The following DNAH5 variants were observed in gnomAD, a reference collection of about 807,000 sequenced individuals.
DNAH5 encodes the protein axonemal beta dynein heavy chain 5.
Under a neutral mutation model 518.2 loss-of-function variants are expected in DNAH5, and 372 were observed. That is an observed-to-expected ratio of 0.72 (90% CI 0.66 to 0.78). The LOEUF is 0.78. Among genes scored for constraint, DNAH5 ranks in the 30% least tolerant of loss-of-function variants. DNAH5 has a pLI of 0.00. For synonymous variants in DNAH5, 2,039 were observed against 2,025.9 expected, an observed-to-expected ratio of 1.01 and a Z score of -0.17; for missense variants, 5,523 against 5,687.0, an observed-to-expected ratio of 0.97 and a Z score of 0.93.
chr5:13,779,383 A>C lies in DNAH5; in HGVS notation c.8951+1446T>G, dbSNP rs138397607. ...CACAAAGTGTAACAACAGCTTAAAT[A>C]TTTGAATCTCCAAACCCAATGCTTA... On this transcript the variant is annotated intron_variant, in intron 53 of 78. Coordinates refer to ENST00000265104, the MANE Select transcript of DNAH5 (RefSeq NM_001369.3). Among the ~76,000 whole-genome samples the C allele has an allele frequency of 2.0e-3, 306 of 152,326 alleles. 1 individual carries two copies. The highest frequency in any genetic ancestry group is 7.2e-3 in the African/African-American group (301 of 41,580).
At chr5:13,961,315 A>G (rs982506992) in intron 1 of DNAH5, among the ~76,000 whole-genome samples, 5 of 152,230 alleles carry the variant, frequency 3.3e-5, no homozygotes, top group Non-Finnish European at 1.5e-5. Context: ...GAGTGTTCCT[A>G]TTCCCATTTT....
chr5:13,767,841 T>C (rs755915107), intron 58 of DNAH5, among the ~76,000 whole-genome samples: 1 of 152,162 alleles, frequency 6.6e-6, no homozygotes, highest in African/African-American at 2.4e-5. Flanking sequence ...CATCTGGAGG[T>C]ATTTTTTATT....
At position 13,840,940 on chromosome 5, in the gene DNAH5, A is replaced by G. The variant is rs752248766; in HGVS notation, c.5675T>C (p.Ile1892Thr). Residue 1892 changes from isoleucine to threonine, a missense_variant, in exon 34 of 79, where the codon ATT becomes ACT. Around this residue, in one of 3 missense-constraint regions of DNAH5, gnomAD observed 5,121 missense variants for 5,223.3 expected, o/e 0.98. Coordinates refer to ENST00000265104, the MANE Select transcript of DNAH5 (RefSeq NM_001369.3). ...ERVKYETLIT[I>T]HVHQRDIFDD... ...AAAGATATCCCTTTGGTGCACATGAATAGTAATCAGAGTCTCGTATTTCAC... is the reference window on the plus strand; with the variant it reads ...AAAGATATCCCTTTGGTGCACATGAGTAGTAATCAGAGTCTCGTATTTCAC... 1 of 1,614,166 alleles carries G rather than the reference A, an allele frequency of 6.2e-7. No homozygotes were observed. Among genetic ancestry groups the G allele is most frequent in the Admixed American group, 1.7e-5 (1 of 60,028 alleles).
chr5:13,691,997 C>T lies in DNAH5; in HGVS notation c.13862G>A (p.Cys4621Tyr), dbSNP rs1554012799. Residue 4621 changes from cysteine to tyrosine, a missense_variant, in exon 79 of 79, where the codon TGT (cysteine) becomes TAT (tyrosine). Physicochemically the swap from Cys to Tyr is radical, Grantham distance 194. Coordinates refer to ENST00000265104, the MANE Select transcript of DNAH5 (RefSeq NM_001369.3). ...ACTCCCCACATGTTACTTGACATCA[C>T]ACAGAAGGGCAACCCCACGGAGCAC... ...HWVLRGVALL[C>Y]DVK 1 of 1,614,094 alleles carries T rather than the reference C, an allele frequency of 6.2e-7. No individual in the cohort carries two copies. The highest frequency in any genetic ancestry group is 2.2e-5 in the East Asian group (1 of 44,870).
At position 13,867,818 on chromosome 5, in the gene DNAH5, C is replaced by G. The variant is rs762884570; in HGVS notation, c.4009G>C (p.Val1337Leu). ...FKKELISAVEVFLQDCHQFYL... is the reference protein window; with the variant it reads ...FKKELISAVELFLQDCHQFYL... Reference sequence around the variant, plus strand: ...AACTGGTGACAATCTTGGAGGAATACCTCCACAGCACTAATAAGCTCTTTC... The same window carrying G: ...AACTGGTGACAATCTTGGAGGAATAGCTCCACAGCACTAATAAGCTCTTTC... The change falls in exon 25 of 79, where the codon GTA becomes CTA. Residue 1337 changes from valine to leucine, a missense_variant. This residue lies in a region of DNAH5 where 5,121 missense variants were observed against 5,223.3 expected (regional missense o/e 0.98). Coordinates refer to ENST00000265104, the MANE Select transcript of DNAH5 (RefSeq NM_001369.3). 6.2e-7 allele frequency: 1 copy of G among 1,613,966 alleles called. No individual in the cohort carries two copies. Among genetic ancestry groups the G allele is most frequent in the Non-Finnish European group, 8.5e-7 (1 of 1,179,940 alleles).
At chr5:13,800,786 T>A (rs750149228) in intron 47 of DNAH5, among the ~76,000 whole-genome samples, 5 of 152,122 alleles carry the variant, frequency 3.3e-5, no homozygotes, top group Admixed American at 1.3e-4. Context: ...TTCCTTCCAA[T>A]CTCTTTGATT....
chr5:13,718,773 G>C (rs1744643706), intron 72 of DNAH5, 109 bp downstream of exon 72: 3 of 901,674 alleles, frequency 3.3e-6, no homozygotes, highest in Non-Finnish European at 5.4e-6. Context: ...AGGTTAAACA[G>C]TAGTACTATT....
chr5:13,731,509 G>T (rs1383396255), intron 68 of DNAH5, among the ~76,000 whole-genome samples: 6 of 152,208 alleles, frequency 3.9e-5, no homozygotes, highest in East Asian at 1.9e-4. Context: ...AATAGTGATT[G>T]TAACTTGGGG....
At chr5:13,990,555 A>G (rs370020224) in intron 1 of DNAH5, among the ~76,000 whole-genome samples, 3 of 150,976 alleles carry the variant, frequency 2.0e-5, no homozygotes, top group South Asian at 4.2e-4. Context: ...TCCATCTCAA[A>G]AAACAAAATG....
intron 75 of DNAH5, 133 bp from the exon 76 acceptor site, chr5:13,708,468 GGC>G: frequency 1.3e-6 from 1 of 789,370 alleles, no homozygotes; most frequent in Admixed American, 2.9e-5. Flanking sequence ...TTTATTGCAT[GGC>G]AAAAAGAAAA....
intron 1 of DNAH5, among the ~76,000 whole-genome samples, chr5:13,966,873 T>C (rs1309759673): frequency 6.6e-6 from 1 of 152,234 alleles, no homozygotes; most frequent in African/African-American, 2.4e-5. Flanking sequence ...TTTTTGCTTT[T>C]TGTTTTTTGA....
chr5:13,930,274 T>A (rs114502154), intron 2 of DNAH5, among the ~76,000 whole-genome samples: 1 of 152,232 alleles, frequency 6.6e-6, no homozygotes, highest in Non-Finnish European at 1.5e-5. Context: ...AACTCAACAT[T>A]TCGTTAACAT....
intron 1 of DNAH5, among the ~76,000 whole-genome samples, chr5:13,991,865 A>G (rs1783583881): frequency 6.6e-6 from 1 of 152,222 alleles, no homozygotes; most frequent in African/African-American, 2.4e-5. Flanking sequence ...TCTGCGAAAG[A>G]GATAAATGTG....
chr5:13,728,500 C>T lies in DNAH5; in HGVS notation c.11884-844G>A, dbSNP rs572432638. Among the ~76,000 whole-genome samples, 131 of 152,220 alleles carry T rather than the reference C, an allele frequency of 8.6e-4. 1 individual carries two copies. Among genetic ancestry groups the T allele is most frequent in the African/African-American group, 2.9e-3 (120 of 41,532 alleles). ...AAGACTACTTAATATTGAGGGGTTTCGTGCATAAGATATCATCTCCAGAAG... is the reference window on the plus strand; with the variant it reads ...AAGACTACTTAATATTGAGGGGTTTTGTGCATAAGATATCATCTCCAGAAG... On this transcript the variant is annotated intron_variant, in intron 69 of 78. Transcript: ENST00000265104.
rs1204943325 is a variant in DNAH5, at chr5:13,810,083, A to T, written c.7585T>A (p.Phe2529Ile). 6.4e-7 allele frequency: 1 copy of T among 1,552,922 alleles called. No homozygotes were observed. The highest frequency in any genetic ancestry group is 8.7e-7 in the Non-Finnish European group (1 of 1,148,590). Residue 2529 changes from phenylalanine (F) to isoleucine (I), a missense_variant, in exon 45 of 79, where the codon TTC becomes ATC. Physicochemically the swap from Phe to Ile is conservative, Grantham distance 21 (BLOSUM62 0). Coordinates refer to ENST00000265104, the MANE Select transcript of DNAH5 (RefSeq NM_001369.3). ...PPPAGPGDTA[F>I]DYYVAPDGTW... ...CCATCGGGCGCCACATAGTAGTCGA[A>T]GGCGGTGTCCCCGGGCCCCGCTGGC... is the stretch of plus-strand genomic sequence containing the variant.
At chr5:13,711,779 G>A (rs889360104) in intron 75 of DNAH5, among the ~76,000 whole-genome samples, 4 of 152,000 alleles carry the variant, frequency 2.6e-5, no homozygotes, top group Admixed American at 2.6e-4. Flanking sequence ...TACAATAGCT[G>A]CAAAAAAATA....
At chr5:13,877,347 G>A (rs1371399702) in intron 21 of DNAH5, among the ~76,000 whole-genome samples, 4 of 152,172 alleles carry the variant, frequency 2.6e-5, no homozygotes, top group Non-Finnish European at 5.9e-5. Context: ...TATCCTCATG[G>A]CATTTGTCAA....
In DNAH5 at chr5:13,885,008, A is replaced by T; in HGVS notation, c.2964T>A (p.Ser988=). The T allele has an allele frequency of 6.2e-7, 1 of 1,614,208 alleles. No individual in the cohort carries two copies. Among genetic ancestry groups the T allele is most frequent in the Non-Finnish European group, 8.5e-7 (1 of 1,180,016 alleles). Residue 988 remains serine, a synonymous_variant, in exon 19 of 79, where the codon TCT becomes TCA. Transcript: ENST00000265104. ...LEAIRKRIHS[S]HTINFRDSNS... The stretch of plus-strand genomic sequence containing the variant: ...TATTACCCCGGAAGTTAATTGTGTG[A>T]GAGGAATGAATACGTTTGCGAATGG...
At position 13,913,593 on chromosome 5, in the gene DNAH5, C is replaced by A; in HGVS notation, c.1536+150G>T. 21 of 958,326 alleles carry A rather than the reference C, an allele frequency of 2.2e-5. No individual in the cohort carries two copies. In the South Asian group the frequency reaches 3.7e-4, roughly 17 times the overall value. The allele number at this position is 958,326 out of a possible 1,614,324, so 59.4% of individuals were successfully genotyped here. A position where few individuals can be genotyped will look rare whatever the true frequency, so the allele number is the denominator to read the frequency against. On this transcript the variant is annotated intron_variant, in intron 11 of 78. Coordinates refer to ENST00000265104, the MANE Select transcript of DNAH5 (RefSeq NM_001369.3). ...ACCATTACACAATTCTCAAACAAATCTAATTTCTTTATTGTTAAAAGGCCA... is the reference window on the plus strand; with the variant it reads ...ACCATTACACAATTCTCAAACAAATATAATTTCTTTATTGTTAAAAGGCCA...
Sources: allele counts gnomAD v4.1 joint callset (sites outside exome capture counted in the v4.1 genomes callset), GRCh38; gene constraint gnomAD v4.1.1; regional missense constraint gnomAD v4.1.1; transcripts MANE v1.5; gene names NCBI Gene and HGNC (gene_info 2026-07-23, HGNC 2026-07-21).